The following P2RX3 variants were observed in gnomAD, a reference collection of about 807,000 sequenced individuals.
P2RX3 encodes the protein P2X purinoceptor 3.
P2RX3 carries 41 observed loss-of-function variants against 51.5 expected under a neutral mutation model. The observed-to-expected ratio is 0.80, with a 90% confidence interval of 0.62 to 1.03. P2RX3 has a LOEUF of 1.03. P2RX3 is among the 50% of genes least tolerant of loss of function. The pLI is 0.00. For synonymous variants in P2RX3, 185 were observed against 191.6 expected (o/e 0.97, Z 0.29); for missense variants, 459 against 522.1 (o/e 0.88, Z 1.18).
At chr11:57,342,412 G>A (rs971873514) in intron 1 of P2RX3, among the ~76,000 whole-genome samples, 4 of 151,824 alleles carry the variant, frequency 2.6e-5, no homozygotes, top group African/African-American at 4.8e-5. Context: ...CACCTGCCTC[G>A]GCCTCCCAAA....
At chr11:57,347,339 G>A in intron 3 of P2RX3, 76 bp from the exon 4 acceptor site, 2 of 1,509,348 alleles carry the variant, frequency 1.3e-6, no homozygotes, top group Non-Finnish European at 1.8e-6. Context: ...GTTGGTTATG[G>A]GGAGGTCGAG....
At position 57,348,616 on chromosome 11, in the gene P2RX3, C is replaced by T; in HGVS notation, c.486-11C>T. The T allele has an allele frequency of 6.2e-7, 1 of 1,609,604 alleles. No homozygotes were observed. Among genetic ancestry groups the T allele is most frequent in the African/African-American group, 1.3e-5 (1 of 74,934 alleles). ...TCCTGGAAAGCTAAGGCCTCCTGTG[C>T]TCACCCACAGGCCCATCATGATGGA... On this transcript the variant is annotated splice_polypyrimidine_tract_variant and intron_variant, in intron 5 of 11. Coordinates refer to ENST00000263314, the MANE Select transcript of P2RX3 (RefSeq NM_002559.5).
chr11:57,345,142 C>T (rs911175201), intron 1 of P2RX3, among the ~76,000 whole-genome samples: 2 of 152,242 alleles, frequency 1.3e-5, no homozygotes, highest in African/African-American at 4.8e-5. Flanking sequence ...GTCAGCCCAG[C>T]TCCTGGCTCT....
intron 8 of P2RX3, among the ~76,000 whole-genome samples, chr11:57,364,211 C>A (rs1272936859): frequency 6.6e-6 from 1 of 152,190 alleles, no homozygotes; most frequent in Non-Finnish European, 1.5e-5. Context: ...CATGAGGAAC[C>A]ACATCTCTGA....
chr11:57,346,941 C>T (rs1047296860), intron 2 of P2RX3, among the ~76,000 whole-genome samples, 175 bp from the exon 3 acceptor site: 1 of 152,186 alleles, frequency 6.6e-6, no homozygotes, highest in Non-Finnish European at 1.5e-5. Context: ...AGAAGGGGGC[C>T]ATGTGGGTGG....
At position 57,348,540 on chromosome 11, in the gene P2RX3, T is replaced by C. The variant is rs1175856625; in HGVS notation, c.486-87T>C. The C allele has an allele frequency of 1.4e-5, 16 of 1,134,262 alleles. 1 individual carries two copies. The highest frequency in any genetic ancestry group is 1.7e-5 in the Non-Finnish European group (13 of 753,514). The allele number at this position is 1,134,262 out of a possible 1,614,324, so 70.3% of individuals were successfully genotyped here. A position where few individuals can be genotyped will look rare whatever the true frequency, so the allele number is the denominator to read the frequency against. ...TATAAGAGGTCTCCCTTTGGAGGCA[T>C]CCACCAGGAAAGGTCGCCCTCAGGT... is the stretch of plus-strand genomic sequence containing the variant. On this transcript the variant is annotated intron_variant, in intron 5 of 11. Coordinates refer to ENST00000263314, the MANE Select transcript of P2RX3 (RefSeq NM_002559.5).
chr11:57,365,012 C>T (rs960650402), intron 8 of P2RX3, among the ~76,000 whole-genome samples: 2 of 152,158 alleles, frequency 1.3e-5, no homozygotes, highest in Non-Finnish European at 2.9e-5. Flanking sequence ...TTCACTGAGT[C>T]GTTCTCAGCC....
At position 57,357,961 on chromosome 11, in the gene P2RX3, G is replaced by A. The variant is rs1000277111; in HGVS notation, c.842+7063G>A. On this transcript the variant is annotated intron_variant, in intron 8 of 11. Coordinates refer to ENST00000263314, the MANE Select transcript of P2RX3 (RefSeq NM_002559.5). ...AAGTTTTCCCTTGCAAGTCAAACCC[G>A]GCTCCGGCAAGTTTGTTGCTGTTTT... 3.3e-5 allele frequency among the ~76,000 whole-genome samples: 5 copies of A among 152,140 alleles called. 1 individual carries two copies. Among genetic ancestry groups the A allele is most frequent in the South Asian group, 4.1e-4 (2 of 4,828 alleles).
At chr11:57,368,558 C>A in intron 10 of P2RX3, 121 bp downstream of exon 10, 2 of 1,100,686 alleles carry the variant, frequency 1.8e-6, no homozygotes, top group East Asian at 2.4e-5. Context: ...AACCCCTACC[C>A]CCACTTGCTA....
At chr11:57,358,243 C>T (rs1043622307) in intron 8 of P2RX3, among the ~76,000 whole-genome samples, 4 of 152,136 alleles carry the variant, frequency 2.6e-5, no homozygotes, top group African/African-American at 9.7e-5. Context: ...TAGTGAGTTT[C>T]CTTGCACTGA....
intron 8 of P2RX3, among the ~76,000 whole-genome samples, chr11:57,362,807 G>A (rs1197033586): frequency 1.3e-5 from 2 of 152,156 alleles, no homozygotes; most frequent in Non-Finnish European, 2.9e-5. Context: ...GGGTGGTTGT[G>A]AGCATTAAAT....
At chr11:57,342,118 A>G (rs1048984213) in intron 1 of P2RX3, among the ~76,000 whole-genome samples, 5 of 123,326 alleles carry the variant, frequency 4.1e-5, no homozygotes, top group African/African-American at 6.1e-5. Flanking sequence ...AAGAGCTGTT[A>G]TGGTGGGAAG....
chr11:57,365,603 G>A (rs147692036), intron 8 of P2RX3, among the ~76,000 whole-genome samples: 4 of 152,174 alleles, frequency 2.6e-5, no homozygotes, highest in South Asian at 2.1e-4. Context: ...AATGGTGTTC[G>A]CATTTACCCT....
chr11:57,346,625 C>T lies in P2RX3; in HGVS notation c.201C>T (p.Ser67=), dbSNP rs199590234. ...CGGTGGTAACCAAGGTGAAGGGCTCCGGACTCTACGCCAACAGAGTCATGG... is the reference window on the plus strand; with the variant it reads ...CGGTGGTAACCAAGGTGAAGGGCTCTGGACTCTACGCCAACAGAGTCATGG... ...ESSVVTKVKG[S]GLYANRVMDV... is the part of the protein sequence containing the mutation. The change falls in exon 2 of 12, where the codon TCC becomes TCT. Residue 67 remains serine, a synonymous_variant. Transcript: ENST00000263314. 287 of 1,614,160 alleles carry T rather than the reference C, an allele frequency of 1.8e-4. No homozygotes were observed. Among genetic ancestry groups the T allele is most frequent in the South Asian group, 6.1e-4 (56 of 91,072 alleles).
In P2RX3 at chr11:57,370,109, C is replaced by G; in HGVS notation, c.*112C>G. The G allele has an allele frequency of 1.8e-5, 14 of 758,048 alleles. No individual in the cohort carries two copies. The highest frequency in any genetic ancestry group is 2.6e-5 in the Non-Finnish European group (12 of 455,360). 47.0% of individuals were successfully genotyped at this position (758,048 alleles called of 1,614,324 possible). On this transcript the variant is annotated 3_prime_UTR_variant, in exon 12 of 12. Coordinates refer to ENST00000263314, the MANE Select transcript of P2RX3 (RefSeq NM_002559.5). Reference sequence around the variant, plus strand: ...GGGGCTCTCATTTCTGCTGCTCATTCCATGAGCATAGCTGGGACCCAAGTG... The same window carrying G: ...GGGGCTCTCATTTCTGCTGCTCATTGCATGAGCATAGCTGGGACCCAAGTG...
intron 1 of P2RX3, among the ~76,000 whole-genome samples, chr11:57,345,481 A>G (rs1056113838): frequency 1.3e-5 from 2 of 152,092 alleles, no homozygotes; most frequent in African/African-American, 2.4e-5. Context: ...GTATTTGATG[A>G]GGTTTTCTCA....
intron 10 of P2RX3, among the ~76,000 whole-genome samples, chr11:57,369,058 A>T (rs1856840661): frequency 6.6e-6 from 1 of 152,104 alleles, no homozygotes; most frequent in Admixed American, 6.5e-5. Context: ...TAGCCCATTA[A>T]TCCATTAATC....
intron 8 of P2RX3, among the ~76,000 whole-genome samples, chr11:57,359,616 C>G (rs931256753): frequency 2.0e-5 from 3 of 152,264 alleles, no homozygotes; most frequent in Non-Finnish European, 4.4e-5. Flanking sequence ...ATTGCAGTCA[C>G]AGCCATGCTG....
At chr11:57,342,549 A>C (rs1476863273) in intron 1 of P2RX3, among the ~76,000 whole-genome samples, 2 of 152,002 alleles carry the variant, frequency 1.3e-5, no homozygotes, top group Non-Finnish European at 2.9e-5. Context: ...AACGTAGAGC[A>C]CTTGGTTAGA....
Sources: allele counts gnomAD v4.1 joint callset (sites outside exome capture counted in the v4.1 genomes callset), GRCh38; gene constraint gnomAD v4.1.1; transcripts MANE v1.5; gene names NCBI Gene and HGNC (gene_info 2026-07-23, HGNC 2026-07-21).